SH3BGRL: variants seen among roughly 807,000 people sequenced by gnomAD.
SH3BGRL encodes SH3 domain binding glutamate rich protein like.
A neutral mutation model predicts 9.8 loss-of-function variants in SH3BGRL; 7 were observed. That is an observed-to-expected ratio of 0.72 (90% CI 0.41 to 1.35). SH3BGRL has a LOEUF of 1.35. Among genes scored for constraint, SH3BGRL ranks in the 40% most tolerant of loss-of-function variants. The pLI, the probability that SH3BGRL is intolerant of heterozygous loss-of-function variation, is 0.01. For missense variants in SH3BGRL, 73 were observed against 84.4 expected, an observed-to-expected ratio of 0.86 and a Z score of 0.53; for synonymous variants, 36 against 29.1, an observed-to-expected ratio of 1.24 and a Z score of -0.76.
Position 81,296,375 on chromosome X carries a change from A to G in SH3BGRL, c.313-820A>G, listed in dbSNP as rs184905200. ...ATATTTCGTTATTTTTTTAAAGGAT[A>G]TGAAGAATGAATTTTGGTGTCATTT... On this transcript the variant is annotated intron_variant, in intron 3 of 3. Transcript: ENST00000373212. Among the ~76,000 whole-genome samples, 8 of 112,033 alleles carry G rather than the reference A, an allele frequency of 7.1e-5. 1 individual carries two copies. The East Asian group carries it at 2.0e-3, about 28-fold the overall frequency.
intron 1 of SH3BGRL, among the ~76,000 whole-genome samples, chrX:81,231,551 T>C (rs2075633005): frequency 1.8e-5 from 2 of 112,600 alleles, no homozygotes; most frequent in Non-Finnish European, 1.9e-5. Context: ...AACTGTGTTA[T>C]AGGATTTTGT....
At chrX:81,205,478 GTA>G (rs760716123) in intron 1 of SH3BGRL, among the ~76,000 whole-genome samples, 19 of 94,498 alleles carry the variant, frequency 2.0e-4, no homozygotes, top group Middle Eastern at 5.5e-3. Context: ...ATAAGTGTGT[GTA>G]TATATATGTG....
At chrX:81,282,866 A>T (rs766556604) in intron 3 of SH3BGRL, among the ~76,000 whole-genome samples, 48 of 112,462 alleles carry the variant, frequency 4.3e-4, no homozygotes, top group Non-Finnish European at 8.1e-4. Context: ...AATACAAAAG[A>T]TAAAATGAAA....
intron 1 of SH3BGRL, among the ~76,000 whole-genome samples, chrX:81,271,756 A>G (rs1055946695): frequency 9.0e-6 from 1 of 111,454 alleles, no homozygotes; most frequent in African/African-American, 3.3e-5. Flanking sequence ...CACCACAAAG[A>G]TACTCCTCAA....
intron 1 of SH3BGRL, among the ~76,000 whole-genome samples, chrX:81,211,356 C>A (rs901271579): frequency 2.7e-5 from 3 of 111,285 alleles, no homozygotes; most frequent in Non-Finnish European, 5.7e-5. Flanking sequence ...GGGGCCGAGG[C>A]GGGCGGATCA....
chrX:81,276,247 A>G (rs1348256250), intron 1 of SH3BGRL, among the ~76,000 whole-genome samples: 1 of 109,600 alleles, frequency 9.1e-6, no homozygotes, highest in Non-Finnish European at 1.9e-5. Flanking sequence ...GAGACAGAAT[A>G]CATGTGCCAT....
At chrX:81,202,414 C>T (rs1329868520) in intron 1 of SH3BGRL, 169 bp downstream of exon 1, 1 of 941,283 alleles carries the variant, frequency 1.1e-6, no homozygotes, top group Non-Finnish European at 1.3e-6. Flanking sequence ...GCATCGATTT[C>T]ATTTTTTTTT....
At chrX:81,207,608 G>T (rs946087692) in intron 1 of SH3BGRL, among the ~76,000 whole-genome samples, 1 of 112,135 alleles carries the variant, frequency 8.9e-6, no homozygotes, top group African/African-American at 3.2e-5. Context: ...AAGGATTTTT[G>T]TCATATCTTC....
intron 1 of SH3BGRL, among the ~76,000 whole-genome samples, chrX:81,211,447 C>A (rs1276350060): frequency 9.0e-6 from 1 of 111,076 alleles, no homozygotes; most frequent in Non-Finnish European, 1.9e-5. Flanking sequence ...ATTAGCCGGG[C>A]GTGGTGGCGG....
intron 1 of SH3BGRL, among the ~76,000 whole-genome samples, chrX:81,241,177 A>C (rs780838096): frequency 1.1e-4 from 12 of 112,297 alleles, no homozygotes; most frequent in African/African-American, 3.9e-4. Flanking sequence ...GTGCTGACAC[A>C]GCAGACCCTG....
At chrX:81,227,326 G>A (rs1303768473) in intron 1 of SH3BGRL, among the ~76,000 whole-genome samples, 2 of 111,932 alleles carry the variant, frequency 1.8e-5, no homozygotes, top group Non-Finnish European at 1.9e-5. Flanking sequence ...TTGCTAAAGC[G>A]ATCAGTTAGT....
At chrX:81,269,775 T>C (rs1346054402) in intron 1 of SH3BGRL, among the ~76,000 whole-genome samples, 1 of 111,529 alleles carries the variant, frequency 9.0e-6, no homozygotes, top group East Asian at 2.8e-4. Flanking sequence ...TCTTGCTAGA[T>C]TGGGGAAGTT....
At position 81,276,966 on chromosome X, in the gene SH3BGRL, C is replaced by A. The variant is rs756457313; in HGVS notation, c.46-18C>A. ...TTGTTGAATTTGGAAAATACGGTTT[C>A]TTGTCCTTTGGTCCTAGATTAAGAA... is the stretch of plus-strand genomic sequence containing the variant. On this transcript the variant is annotated intron_variant, in intron 1 of 3. Transcript: ENST00000373212. The A allele has an allele frequency of 1.3e-5, 15 of 1,189,532 alleles. No homozygotes were observed. The highest frequency in any genetic ancestry group is 1.7e-5 in the Non-Finnish European group (15 of 884,382).
At chrX:81,270,702 G>A (rs1436724499) in intron 1 of SH3BGRL, among the ~76,000 whole-genome samples, 1 of 112,078 alleles carries the variant, frequency 8.9e-6, no homozygotes, top group Non-Finnish European at 1.9e-5. Context: ...ACTTGAGGAG[G>A]CAGTCTGTCT....
chrX:81,202,247 T>C lies in SH3BGRL; in HGVS notation c.45+2T>C. The C allele has an allele frequency of 8.3e-7, 1 of 1,202,994 alleles. No individual in the cohort carries two copies. Among genetic ancestry groups the C allele is most frequent in the Non-Finnish European group, 1.1e-6 (1 of 889,594 alleles). ...GCATCTTCCTCTGGCTCTACAGCGGTAAGGAGAGTGGGGAGTCCACCTTTG... is the reference window on the plus strand; with the variant it reads ...GCATCTTCCTCTGGCTCTACAGCGGCAAGGAGAGTGGGGAGTCCACCTTTG... On this transcript the variant is annotated splice_donor_variant, in intron 1 of 3. Transcript: ENST00000373212. LOFTEE classifies it high-confidence loss of function.
At chrX:81,208,248 C>A (rs766995298) in intron 1 of SH3BGRL, among the ~76,000 whole-genome samples, 1 of 109,531 alleles carries the variant, frequency 9.1e-6, no homozygotes, top group South Asian at 3.9e-4. Flanking sequence ...GGTGACAGAG[C>A]GAGACACCGT....
rs770166181 is a variant in SH3BGRL, at chrX:81,218,533, A to AT, written c.45+16297dup. ...TCACTGGATACAAAATTCTTAGCTTATTTTTTTTTGTTTTTGTTTACTGAG... is the reference window on the plus strand; with the variant it reads ...TCACTGGATACAAAATTCTTAGCTTATTTTTTTTTTGTTTTTGTTTACTGAG... On this transcript the variant is annotated intron_variant, in intron 1 of 3. Coordinates refer to ENST00000373212, the MANE Select transcript of SH3BGRL (RefSeq NM_003022.3). Among the ~76,000 whole-genome samples, 1,020 of 105,420 alleles carry AT rather than the reference A, an allele frequency of 9.7e-3. 5 individuals carry two copies. The highest frequency in any genetic ancestry group is 0.02 in the Middle Eastern group (4 of 205). 91.5% of individuals were successfully genotyped at this position (105,420 alleles called of 115,157 possible). A position where few individuals can be genotyped will look rare whatever the true frequency, so the allele number is the denominator to read the frequency against.
chrX:81,211,733 C>G (rs765239788), intron 1 of SH3BGRL, among the ~76,000 whole-genome samples: 13 of 111,411 alleles, frequency 1.2e-4, no homozygotes, highest in African/African-American at 4.3e-4. Context: ...CATGTTTCTC[C>G]CGTGCTGGAC....
intron 1 of SH3BGRL, among the ~76,000 whole-genome samples, chrX:81,225,664 G>A (rs1329414265): frequency 9.0e-6 from 1 of 110,997 alleles, no homozygotes; most frequent in Non-Finnish European, 1.9e-5. Flanking sequence ...TCCACTGATG[G>A]ACACGGGTTG....
Sources: allele counts gnomAD v4.1 joint callset (sites outside exome capture counted in the v4.1 genomes callset), GRCh38; gene constraint gnomAD v4.1.1; transcripts MANE v1.5; gene names NCBI Gene and HGNC (gene_info 2026-07-23, HGNC 2026-07-21).